The following CACNA2D4 variants were observed in gnomAD, a reference collection of about 807,000 sequenced individuals.
CACNA2D4 encodes the protein voltage-dependent calcium channel subunit alpha-2/delta-4.
Under a neutral mutation model 163.8 loss-of-function variants are expected in CACNA2D4, and 157 were observed. That is an observed-to-expected ratio of 0.96 (90% CI 0.84 to 1.09). The LOEUF (loss-of-function observed/expected upper bound fraction) is 1.09, where lower values mean the gene tolerates loss of function less well. Ranked by LOEUF, CACNA2D4 falls within the 50% of genes least tolerant of loss-of-function variation. The pLI is 0.00. For missense variants in CACNA2D4, 1,410 were observed against 1,479.9 expected, an observed-to-expected ratio of 0.95 and a Z score of 0.78; for synonymous variants, 598 against 586.9, an observed-to-expected ratio of 1.02 and a Z score of -0.27.
At chr12:1,795,617 C>T (rs1363798147) in intron 36 of CACNA2D4, 51 bp downstream of exon 36, 2 of 1,305,842 alleles carry the variant, frequency 1.5e-6, no homozygotes, top group South Asian at 1.2e-5. Context: ...CTACAGACAC[C>T]TCCTACAGCC....
chr12:1,828,253 G>A lies in CACNA2D4; in HGVS notation c.2551+12486C>T, dbSNP rs997566690. 9 of 1,511,268 alleles carry A rather than the reference G, an allele frequency of 6.0e-6. No individual in the cohort carries two copies. The highest frequency in any genetic ancestry group is 2.1e-5 in the Admixed American group (1 of 47,194). 93.6% of individuals were successfully genotyped at this position (1,511,268 alleles called of 1,614,324 possible). ...CTGGCCTCGGAGGGGGGTGCGGGTT[G>A]GGTGGGGGTGCCGAGGTGACTGTAG... On this transcript the variant is annotated intron_variant, in intron 26 of 37. Coordinates refer to ENST00000382722, the MANE Select transcript of CACNA2D4 (RefSeq NM_172364.5). This position sits in a 1 kb window ranked among gnomAD's most constrained non-coding sequence, Gnocchi z 4.2.
At chr12:1,914,002 C>T (rs11062020) in intron 2 of CACNA2D4, among the ~76,000 whole-genome samples, 15,864 of 152,264 alleles carry the variant, frequency 0.1, 907 homozygotes, top group Admixed American at 0.14. Flanking sequence ...GAGGGGCAGG[C>T]GGGGCCTCAG....
At chr12:1,805,895 C>A (rs1316185531) in intron 29 of CACNA2D4, among the ~76,000 whole-genome samples, 1 of 152,210 alleles carries the variant, frequency 6.6e-6, no homozygotes, top group African/African-American at 2.4e-5. Context: ...CTGGGCGGGC[C>A]GCAGGCGGCA....
chr12:1,795,695 C>T lies in CACNA2D4; in HGVS notation c.3199G>A (p.Val1067Met), dbSNP rs781005888. 1.2e-5 allele frequency: 20 copies of T among 1,612,460 alleles called. No individual in the cohort carries two copies. Among genetic ancestry groups the T allele is most frequent in the Non-Finnish European group, 1.7e-5 (20 of 1,178,752 alleles). Residue 1067 changes from valine to methionine, a missense_variant, in exon 36 of 38, where the codon GTG becomes ATG. By Grantham distance (21) the Val-to-Met change is conservative (BLOSUM62 1). Transcript: ENST00000382722. Reference sequence around the variant, plus strand: ...TTGACTTCTGTCGCCTCCTGCAGCACTGGTGGGAAGATGCTGCAGTCACAG... The same window carrying T: ...TTGACTTCTGTCGCCTCCTGCAGCATTGGTGGGAAGATGCTGCAGTCACAG... ...PTCDCSIFPP[V>M]LQEATEVKYN... is the part of the protein sequence containing the mutation.
At position 1,793,336 on chromosome 12, in the gene CACNA2D4, T is replaced by G; in HGVS notation, c.*319A>C. The stretch of plus-strand genomic sequence containing the variant: ...ACTCTGGAGTACAGGAAGAACTAAA[T>G]TATTTTGTCTTGGTCCAAGCTGAGC... On this transcript the variant is annotated 3_prime_UTR_variant, in exon 38 of 38. Coordinates refer to ENST00000382722, the MANE Select transcript of CACNA2D4 (RefSeq NM_172364.5). 1 of 398,942 alleles carries G rather than the reference T, an allele frequency of 2.5e-6. No individual in the cohort carries two copies. 24.7% of individuals were successfully genotyped at this position (398,942 alleles called of 1,614,324 possible). A position where few individuals can be genotyped will look rare whatever the true frequency, so the allele number is the denominator to read the frequency against.
rs74556170 is a variant in CACNA2D4 at position 1,875,939 on chromosome 12, G to A, written c.1720-602C>T. 2.0e-5 allele frequency among the ~76,000 whole-genome samples: 3 copies of A among 152,170 alleles called. No individual in the cohort carries two copies. Among genetic ancestry groups the A allele is most frequent in the Non-Finnish European group, 4.4e-5 (3 of 68,034 alleles). On this transcript the variant is annotated intron_variant, in intron 16 of 37. Coordinates refer to ENST00000382722, the MANE Select transcript of CACNA2D4 (RefSeq NM_172364.5). This position sits in a 1 kb window ranked among gnomAD's most constrained non-coding sequence, Gnocchi z 4.0. ...TGGGCTGTGATCTGTGCACTAAGGC[G>A]TCAGGGGGCCCTGACTGCTGCCTGC...
rs1867051939 is a variant in CACNA2D4, at chr12:1,918,432, G to C, written c.42C>G (p.Pro14=). 2 of 1,588,348 alleles carry C rather than the reference G, an allele frequency of 1.3e-6. No homozygotes were observed. ...TGGGAGTTGCAGGCATGGTGGGCCT[G>C]GGGTTGGGGAGGGGAAGGAGGGCAG... ...GCSALLPLPN[P]RPTMPATPNF... Residue 14 remains proline (P), a synonymous_variant, in exon 1 of 38, where the codon CCC becomes CCG. Transcript: ENST00000382722.
Position 1,793,604 on chromosome 12 carries a change from G to C in CACNA2D4, c.*51C>G. Reference sequence around the variant, plus strand: ...TCCCATGTCAGTGCTGACTTTTTGGGATGGCTCTGGAAGGATCACCTTGCC... The same window carrying C: ...TCCCATGTCAGTGCTGACTTTTTGGCATGGCTCTGGAAGGATCACCTTGCC... On this transcript the variant is annotated 3_prime_UTR_variant, in exon 38 of 38. Transcript: ENST00000382722. 1 of 1,530,050 alleles carries C rather than the reference G, an allele frequency of 6.5e-7. No homozygotes were observed. The highest frequency in any genetic ancestry group is 9.1e-7 in the Non-Finnish European group (1 of 1,103,700). The allele number at this position is 1,530,050 out of a possible 1,614,324, so 94.8% of individuals were successfully genotyped here. A position where few individuals can be genotyped will look rare whatever the true frequency, so the allele number is the denominator to read the frequency against.
chr12:1,834,451 C>A lies in CACNA2D4; in HGVS notation c.2551+6288G>T, dbSNP rs151123520. 6.2e-7 allele frequency: 1 copy of A among 1,611,874 alleles called. No individual in the cohort carries two copies. The highest frequency in any genetic ancestry group is 8.5e-7 in the Non-Finnish European group (1 of 1,179,832). On this transcript the variant is annotated intron_variant, in intron 26 of 37. Coordinates refer to ENST00000382722, the MANE Select transcript of CACNA2D4 (RefSeq NM_172364.5). This position sits in a 1 kb window ranked among gnomAD's most constrained non-coding sequence, Gnocchi z 7.6. ...GTCCAGAGCCTGCTAAGCCCAAGCC[C>A]GGGGCTGAGCCGGAGCCGGAGCCCA... is the stretch of plus-strand genomic sequence containing the variant.
At chr12:1,808,006 A>G (rs1232970271) in intron 29 of CACNA2D4, among the ~76,000 whole-genome samples, 2 of 152,164 alleles carry the variant, frequency 1.3e-5, no homozygotes, top group Non-Finnish European at 2.9e-5. Flanking sequence ...ATTATAAAAT[A>G]TAAATCTCTG....
rs1863007960 is a variant in CACNA2D4 at position 1,792,673 on chromosome 12, T to G, written c.*982A>C. 6.6e-6 allele frequency: 1 copy of G among 151,232 alleles called. No homozygotes were observed. The highest frequency in any genetic ancestry group is 6.6e-5 in the Admixed American group (1 of 15,188). The allele number at this position is 151,232 out of a possible 1,614,324, so 9.4% of individuals were successfully genotyped here. A position where few individuals can be genotyped will look rare whatever the true frequency, so the allele number is the denominator to read the frequency against. On this transcript the variant is annotated 3_prime_UTR_variant, in exon 38 of 38. Coordinates refer to ENST00000382722, the MANE Select transcript of CACNA2D4 (RefSeq NM_172364.5). ...GACCCTGGGGGAGATGTGTGTGCGC[T>G]GGGGGTGAGTTCCCAGATAGAGCTT...
rs141811405 is a variant in CACNA2D4, at chr12:1,858,117, C to T, written c.2008+460G>A. Among the ~76,000 whole-genome samples the T allele has an allele frequency of 6.0e-4, 92 of 152,264 alleles. No individual in the cohort carries two copies. In the Middle Eastern group the frequency reaches 0.014, roughly 23 times the overall value. ...ACTTGGGACTTCCAGCCTCCAGAACCGTGAGAGAATACATGTCTGCGGTTT... is the reference window on the plus strand; with the variant it reads ...ACTTGGGACTTCCAGCCTCCAGAACTGTGAGAGAATACATGTCTGCGGTTT... On this transcript the variant is annotated intron_variant, in intron 20 of 37. Coordinates refer to ENST00000382722, the MANE Select transcript of CACNA2D4 (RefSeq NM_172364.5).
Position 1,885,965 on chromosome 12 carries a change from C to CGAG in CACNA2D4, c.1067_1068insCTC (p.Glu356delinsAspSer). 6.2e-7 allele frequency: 1 copy of CGAG among 1,611,068 alleles called. No homozygotes were observed. The highest frequency in any genetic ancestry group is 8.5e-7 in the Non-Finnish European group (1 of 1,177,812). On this transcript the variant is annotated protein_altering_variant and splice_region_variant, in exon 9 of 38. Transcript: ENST00000382722. ...GTCTCAGGCCACCGTGGACACTCAC[C>CGAG]TCTCGATTGTCTCGGTCCGCCTGGA...
chr12:1,805,891 G>A (rs536824367), intron 29 of CACNA2D4, among the ~76,000 whole-genome samples: 81 of 152,368 alleles, frequency 5.3e-4, no homozygotes, highest in African/African-American at 1.8e-3. Flanking sequence ...TGGGCTGGGC[G>A]GGCCGCAGGC....
chr12:1,842,882 C>T (rs1865058774), intron 25 of CACNA2D4, among the ~76,000 whole-genome samples: 1 of 152,152 alleles, frequency 6.6e-6, no homozygotes, highest in African/African-American at 2.4e-5. Context: ...CCAGAGCCTT[C>T]CTGCTGGGCT....
intron 6 of CACNA2D4, among the ~76,000 whole-genome samples, chr12:1,896,656 A>ACACAC (rs1372008322): frequency 6.9e-6 from 1 of 144,296 alleles, no homozygotes; most frequent in African/African-American, 2.6e-5. Flanking sequence ...CACACACACA[A>ACACAC]AACAGATGCT....
intron 6 of CACNA2D4, among the ~76,000 whole-genome samples, chr12:1,889,972 A>C (rs2370058): frequency 0.65 from 98,302 of 152,028 alleles, 32,798 homozygotes; most frequent in Non-Finnish European, 0.73. Context: ...TCAACAGAGA[A>C]GTGACAGGAA....
intron 22 of CACNA2D4, among the ~76,000 whole-genome samples, chr12:1,854,257 T>C (rs1320157014): frequency 1.3e-5 from 2 of 152,218 alleles, no homozygotes; most frequent in Non-Finnish European, 2.9e-5. Context: ...GCTTGATATC[T>C]GAGGCTCTTT....
rs767479883 is a variant in CACNA2D4 at position 1,797,543 on chromosome 12, C to A, written c.2996-8G>T. ...GCTTCTTGTGTTTGTGGGCTGCGGG[C>A]GGAGAAAGGACATCACGCCACCGAA... On this transcript the variant is annotated splice_region_variant and splice_polypyrimidine_tract_variant and intron_variant, in intron 34 of 37. Coordinates refer to ENST00000382722, the MANE Select transcript of CACNA2D4 (RefSeq NM_172364.5). 11 of 1,551,840 alleles carry A rather than the reference C, an allele frequency of 7.1e-6. No individual in the cohort carries two copies. The highest frequency in any genetic ancestry group is 9.6e-6 in the Non-Finnish European group (11 of 1,148,504).
Sources: allele counts gnomAD v4.1 joint callset (sites outside exome capture counted in the v4.1 genomes callset), GRCh38; gene constraint gnomAD v4.1.1; non-coding constraint Gnocchi (gnomAD v3.1); transcripts MANE v1.5; gene names NCBI Gene and HGNC (gene_info 2026-07-23, HGNC 2026-07-21).